KCNH6: variants seen among roughly 807,000 people sequenced by gnomAD.
The protein encoded by KCNH6 is voltage-gated inwardly rectifying potassium channel KCNH6.
Under a neutral mutation model 83.4 loss-of-function variants are expected in KCNH6, and 81 were observed. The ratio of observed to expected loss-of-function variants is 0.97; its 90% CI spans 0.81 to 1.17. The LOEUF (loss-of-function observed/expected upper bound fraction) is 1.17, where lower values mean the gene tolerates loss of function less well. Ranked by LOEUF, KCNH6 falls within the 50% of genes most tolerant of loss-of-function variation. The pLI is 0.00. For synonymous variants in KCNH6, 503 were observed against 545.6 expected (o/e 0.92, Z 1.09); for missense variants, 1,203 against 1,290.5 (o/e 0.93, Z 1.04).
intron 4 of KCNH6, among the ~76,000 whole-genome samples, chr17:63,532,619 G>C (rs915287820): frequency 6.6e-6 from 1 of 152,236 alleles, no homozygotes; most frequent in East Asian, 1.9e-4. Context: ...CCCCACTCAA[G>C]GGTTTGGATG....
Position 63,545,209 on chromosome 17 carries a change from C to A in KCNH6, c.2528C>A (p.Ser843Ter). 6.2e-7 allele frequency: 1 copy of A among 1,613,736 alleles called. No homozygotes were observed. The highest frequency in any genetic ancestry group is 8.5e-7 in the Non-Finnish European group (1 of 1,180,018). Residue 843 changes from serine to a stop codon, truncating the protein, a stop_gained, in exon 12 of 13, where the codon TCG becomes TAG. Transcript: ENST00000314672. LOFTEE classifies it high-confidence loss of function. ...SNDLALVPIA[S>*]ETTSPGPRLP... ...GACCTGGCCTTGGTTCCTATAGCCT[C>A]GGAGACGACGAGTCCAGGGCCCAGG...
At chr17:63,530,627 G>A (rs983288788) in intron 4 of KCNH6, 85 bp downstream of exon 4, 1 of 1,235,250 alleles carries the variant, frequency 8.1e-7, no homozygotes, top group Non-Finnish European at 1.2e-6. Context: ...CCCTTCTGGG[G>A]CCTTGGCCGA....
chr17:63,534,368 A>G lies in KCNH6; in HGVS notation c.1101+57A>G. The G allele has an allele frequency of 1.1e-5, 16 of 1,509,802 alleles. No homozygotes were observed. The South Asian group carries it at 2.0e-4, about 19-fold the overall frequency. 93.5% of individuals were successfully genotyped at this position (1,509,802 alleles called of 1,614,324 possible). A position where few individuals can be genotyped will look rare whatever the true frequency, so the allele number is the denominator to read the frequency against. ...GGCTGTCCTCTGCACGCTGGCCTCA[A>G]GCCCTCCCTGCTGCACAGCACTGGG... On this transcript the variant is annotated intron_variant, in intron 5 of 12. Transcript: ENST00000314672. The surrounding 1 kb of genome is among the most constrained non-coding windows in gnomAD (Gnocchi z 5.0).
intron 8 of KCNH6, among the ~76,000 whole-genome samples, chr17:63,541,160 G>A (rs934034660): frequency 2.0e-5 from 3 of 152,056 alleles, no homozygotes; most frequent in Non-Finnish European, 4.4e-5. Flanking sequence ...ATATCCTTTG[G>A]CCAGCACAGC....
rs1423576817 is a variant in KCNH6, at chr17:63,546,214, T to C, written c.*312T>C. ...GAGGCCGCACCACTGCACTCCAGCCTGGGTGACAGAGTGAGACTCCAACTC... is the reference window on the plus strand; with the variant it reads ...GAGGCCGCACCACTGCACTCCAGCCCGGGTGACAGAGTGAGACTCCAACTC... On this transcript the variant is annotated 3_prime_UTR_variant, in exon 13 of 13. Coordinates refer to ENST00000314672, the MANE Select transcript of KCNH6 (RefSeq NM_001278919.2). The C allele has an allele frequency of 4.6e-5, 8 of 173,898 alleles. No homozygotes were observed. Among genetic ancestry groups the C allele is most frequent in the Non-Finnish European group, 7.8e-5 (7 of 89,378 alleles). 10.8% of individuals were successfully genotyped at this position (173,898 alleles called of 1,614,324 possible).
Position 63,534,058 on chromosome 17 carries a change from G to A in KCNH6, c.848G>A (p.Ser283Asn). 3 of 1,614,176 alleles carry A rather than the reference G, an allele frequency of 1.9e-6. No homozygotes were observed. Among genetic ancestry groups the A allele is most frequent in the East Asian group, 2.2e-5 (1 of 44,888 alleles). The change falls in exon 5 of 13, where the codon AGC becomes AAC. Residue 283 changes from serine (S) to asparagine (N), a missense_variant. Ser to Asn is a conservative substitution (Grantham distance 46). Coordinates refer to ENST00000314672, the MANE Select transcript of KCNH6 (RefSeq NM_001278919.2). The surrounding 1 kb of genome is among the most constrained non-coding windows in gnomAD (Gnocchi z 5.0). Reference sequence around the variant, plus strand: ...CCCTACTCAGCCGCCTTCCTGCTCAGCGATCAGGACGAATCACGGCGTGGG... The same window carrying A: ...CCCTACTCAGCCGCCTTCCTGCTCAACGATCAGGACGAATCACGGCGTGGG... ...FTPYSAAFLLSDQDESRRGAC... is the reference protein window; with the variant it reads ...FTPYSAAFLLNDQDESRRGAC...
chr17:63,530,205 G>T lies in KCNH6; in HGVS notation c.422G>T (p.Ser141Ile). 1 of 1,614,178 alleles carries T rather than the reference G, an allele frequency of 6.2e-7. No homozygotes were observed. Reference protein sequence around the residue: ...DLAQLLAKCSSRSLSQRLLSQ... With the variant: ...DLAQLLAKCSIRSLSQRLLSQ... ...GCCCAGCTCCTGGCCAAGTGCAGCA[G>T]CCGCAGCTTGTCCCAGCGCCTGTTG... The change falls in exon 3 of 13, where the codon AGC (serine) becomes ATC (isoleucine). Residue 141 changes from serine to isoleucine, a missense_variant. Ser to Ile is a moderately radical substitution (Grantham distance 142). Transcript: ENST00000314672.
intron 10 of KCNH6, chr17:63,543,989 G>A (rs2033013887): frequency 5.2e-6 from 7 of 1,350,754 alleles, no homozygotes; most frequent in Non-Finnish European, 7.1e-6. Context: ...TGAAACCAGT[G>A]CTAAAAGTCC....
chr17:63,543,709 C>A, intron 10 of KCNH6, 49 bp downstream of exon 10: 2 of 1,085,164 alleles, frequency 1.8e-6, no homozygotes, highest in Non-Finnish European at 2.9e-6. Flanking sequence ...CCCTGCCCAG[C>A]CTCCTACCCC....
At position 63,538,578 on chromosome 17, in the gene KCNH6, C is replaced by T. The variant is rs2032678027; in HGVS notation, c.1870C>T (p.Leu624Phe). Residue 624 changes from leucine to phenylalanine, a missense_variant, in exon 8 of 13, where the codon CTC (leucine) becomes TTC (phenylalanine). Transcript: ENST00000314672. The surrounding 1 kb of genome is among the most constrained non-coding windows in gnomAD (Gnocchi z 4.0). The part of the protein sequence containing the change: ...HAPPGDTLVH[L>F]GDVLSTLYFI... ...GCCGCCTGGGGACACGCTGGTGCAC[C>T]TCGGCGACGTGCTCTCCACCCTCTA... The T allele has an allele frequency of 6.2e-7, 1 of 1,613,042 alleles. No homozygotes were observed. The highest frequency in any genetic ancestry group is 8.5e-7 in the Non-Finnish European group (1 of 1,179,640).
At chr17:63,543,748 A>T (rs2033001691) in intron 10 of KCNH6, 88 bp downstream of exon 10, 1 of 790,558 alleles carries the variant, frequency 1.3e-6, no homozygotes, top group South Asian at 1.4e-5. Context: ...CTGCCTCCCC[A>T]GCGCCACCCC....
intron 2 of KCNH6, among the ~76,000 whole-genome samples, chr17:63,528,688 G>A (rs1210075793): frequency 3.3e-5 from 5 of 152,210 alleles, no homozygotes; most frequent in African/African-American, 9.6e-5. Flanking sequence ...TCTCATCTGC[G>A]TGGTCACCTG....
chr17:63,545,989 C>G lies in KCNH6; in HGVS notation c.*87C>G. ...GGGGAGGTGGCCGGGTGCAGTGGCT[C>G]GCCTGTAATCCCAGCACTTTGGGAG... On this transcript the variant is annotated 3_prime_UTR_variant, in exon 13 of 13. Transcript: ENST00000314672. 7.7e-7 allele frequency: 1 copy of G among 1,291,974 alleles called. No individual in the cohort carries two copies. Among genetic ancestry groups the G allele is most frequent in the Non-Finnish European group, 1.1e-6 (1 of 925,380 alleles). 80.0% of individuals were successfully genotyped at this position (1,291,974 alleles called of 1,614,324 possible).
intron 2 of KCNH6, among the ~76,000 whole-genome samples, chr17:63,527,512 C>A (rs1480390554): frequency 6.6e-6 from 1 of 152,110 alleles, no homozygotes; most frequent in African/African-American, 2.4e-5. Flanking sequence ...AGTGGGGTGC[C>A]TTTGCTAAGA....
chr17:63,540,247 G>A (rs1056485180), intron 8 of KCNH6, among the ~76,000 whole-genome samples: 5 of 152,066 alleles, frequency 3.3e-5, no homozygotes, highest in African/African-American at 1.2e-4. Flanking sequence ...ACCTGGCCAA[G>A]ATGATGAAAC....
In KCNH6 at chr17:63,534,542, G is replaced by A. The variant is rs909228611; in HGVS notation, c.1101+231G>A. On this transcript the variant is annotated intron_variant, in intron 5 of 12. Transcript: ENST00000314672. The surrounding 1 kb of genome is among the most constrained non-coding windows in gnomAD (Gnocchi z 5.0). ...GTCCCTCTGCCCCCTCTCTGAGCAG[G>A]CCCTGGTAAGAGGAGCAGGCTGCCC... Among the ~76,000 whole-genome samples the A allele has an allele frequency of 6.6e-6, 1 of 151,924 alleles. No individual in the cohort carries two copies. The highest frequency in any genetic ancestry group is 1.5e-5 in the Non-Finnish European group (1 of 67,950).
rs1249579126 is a variant in KCNH6, at chr17:63,545,133, C to G, written c.2452C>G (p.Pro818Ala). 2 of 1,613,720 alleles carry G rather than the reference C, an allele frequency of 1.2e-6. No homozygotes were observed. The highest frequency in any genetic ancestry group is 1.7e-6 in the Non-Finnish European group (2 of 1,180,044). The change falls in exon 12 of 13, where the codon CCC becomes GCC. Residue 818 changes from proline (P) to alanine (A), a missense_variant. Physicochemically the swap from Pro to Ala is conservative, Grantham distance 27 (BLOSUM62 -1). Transcript: ENST00000314672. ...CCGCATCTTGCAGCTCCTCCAGAAG[C>G]CCATGCCCCAGGGCCACGCCAGCTA... is the stretch of plus-strand genomic sequence containing the variant. ...LSRILQLLQK[P>A]MPQGHASYIL...
rs1460821213 is a variant in KCNH6 at position 63,537,263 on chromosome 17, G to C, written c.1502-802G>C. ...GTGCTGTTCTCAATCCCTGCTCCCA[G>C]CTGCCTGCCTCCCAAGACACCTGGT... On this transcript the variant is annotated intron_variant, in intron 6 of 12. Transcript: ENST00000314672. Among the ~76,000 whole-genome samples the C allele has an allele frequency of 3.3e-5, 5 of 152,322 alleles. No homozygotes were observed. The South Asian group carries it at 1.0e-3, about 32-fold the overall frequency.
chr17:63,540,910 T>A (rs1030038122), intron 8 of KCNH6, among the ~76,000 whole-genome samples: 1 of 152,182 alleles, frequency 6.6e-6, no homozygotes, highest in Non-Finnish European at 1.5e-5. Context: ...GCCTTTCTCA[T>A]GGGGGCTGGT....
Sources: allele counts gnomAD v4.1 joint callset (sites outside exome capture counted in the v4.1 genomes callset), GRCh38; gene constraint gnomAD v4.1.1; non-coding constraint Gnocchi (gnomAD v3.1); transcripts MANE v1.5; gene names NCBI Gene and HGNC (gene_info 2026-07-23, HGNC 2026-07-21).